PLCB1: variants seen among roughly 807,000 people sequenced by gnomAD.
PLCB1 encodes phospholipase C beta 1.
In PLCB1, 46 loss-of-function variants were observed where a neutral mutation model predicts 161.8. The observed-to-expected ratio is 0.28, with a 90% CI of 0.22 to 0.36. PLCB1 has a LOEUF of 0.36. PLCB1 is among the 10% of genes least tolerant of loss of function. The pLI is 1.00. For synonymous variants in PLCB1, 517 were observed against 503.7 expected (o/e 1.03, Z -0.35); for missense variants, 1,016 against 1,472.5 (o/e 0.69, Z 5.07).
At chr20:8,413,540 T>G (rs546357681) in intron 3 of PLCB1, among the ~76,000 whole-genome samples, 7 of 152,216 alleles carry the variant, frequency 4.6e-5, no homozygotes, top group Non-Finnish European at 1.0e-4. Flanking sequence ...ATAGGCCAAG[T>G]ATTCCGTTGA....
chr20:8,474,195 T>C (rs1387978053), intron 3 of PLCB1, among the ~76,000 whole-genome samples: 1 of 152,158 alleles, frequency 6.6e-6, no homozygotes, highest in African/African-American at 2.4e-5. Flanking sequence ...GCTGGGTATA[T>C]AGCCATGAAT....
chr20:8,239,662 A>G (rs1013872529), intron 2 of PLCB1, among the ~76,000 whole-genome samples: 2 of 151,954 alleles, frequency 1.3e-5, no homozygotes, highest in African/African-American at 4.8e-5. Flanking sequence ...AGTATTGAAT[A>G]GGGTACTGAG....
intron 3 of PLCB1, among the ~76,000 whole-genome samples, chr20:8,548,085 C>A (rs1985622340): frequency 6.6e-6 from 1 of 151,560 alleles, no homozygotes; most frequent in South Asian, 2.1e-4. Flanking sequence ...TCCCTCCCTT[C>A]CTCCCTTTCT....
chr20:8,334,773 C>T (rs1361058981), intron 2 of PLCB1, among the ~76,000 whole-genome samples: 1 of 152,152 alleles, frequency 6.6e-6, no homozygotes, highest in Non-Finnish European at 1.5e-5. Context: ...CATTCTGGTT[C>T]TATGTGGTCT....
At chr20:8,687,664 T>C (rs1484616341) in intron 10 of PLCB1, among the ~76,000 whole-genome samples, 1 of 152,242 alleles carries the variant, frequency 6.6e-6, no homozygotes, top group Non-Finnish European at 1.5e-5. Flanking sequence ...ATGCTGTTAA[T>C]TCATTCCTTT....
chr20:8,231,455 A>G (rs1296273953), intron 2 of PLCB1, among the ~76,000 whole-genome samples: 3 of 152,118 alleles, frequency 2.0e-5, no homozygotes, highest in African/African-American at 4.8e-5. Flanking sequence ...CCTTAGACCT[A>G]TCTGTTTTCT....
At chr20:8,255,495 T>G (rs1291538945) in intron 2 of PLCB1, among the ~76,000 whole-genome samples, 2 of 152,078 alleles carry the variant, frequency 1.3e-5, no homozygotes, top group Non-Finnish European at 2.9e-5. Flanking sequence ...GTTATTGTAT[T>G]ACTTAAGGTA....
At chr20:8,416,145 G>GCTACGCATAGTGC (rs1979261891) in intron 3 of PLCB1, among the ~76,000 whole-genome samples, 1 of 152,182 alleles carries the variant, frequency 6.6e-6, no homozygotes, top group Non-Finnish European at 1.5e-5. Context: ...ACTCATGTGT[G>GCTACGCATAGTGC]TTGAGTTACT....
At chr20:8,777,278 C>T in intron 27 of PLCB1, among the ~76,000 whole-genome samples, 1 of 152,114 alleles carries the variant, frequency 6.6e-6, no homozygotes, top group East Asian at 1.9e-4. Context: ...CACTCCGGGG[C>T]TGTGCTTCCC....
chr20:8,513,005 G>A (rs1600118106), intron 3 of PLCB1, among the ~76,000 whole-genome samples: 4 of 151,978 alleles, frequency 2.6e-5, no homozygotes, highest in Admixed American at 2.6e-4. Flanking sequence ...CTACGAGTTC[G>A]AATTTTTAGA....
chr20:8,700,173 T>C (rs1468040469), intron 11 of PLCB1, among the ~76,000 whole-genome samples: 2 of 152,220 alleles, frequency 1.3e-5, no homozygotes, highest in Non-Finnish European at 2.9e-5. Flanking sequence ...CAGCACGCCC[T>C]GATGGAGCTG....
chr20:8,180,049 G>C (rs1357287298), intron 2 of PLCB1, among the ~76,000 whole-genome samples: 1 of 151,520 alleles, frequency 6.6e-6, no homozygotes, highest in Non-Finnish European at 1.5e-5. Context: ...TAGTGGAGAT[G>C]GGGTTTCACC....
chr20:8,313,827 A>G (rs1984518710), intron 2 of PLCB1, among the ~76,000 whole-genome samples: 1 of 152,182 alleles, frequency 6.6e-6, no homozygotes, highest in Non-Finnish European at 1.5e-5. Flanking sequence ...CTCAAAGCCC[A>G]GCTCAAGTTT....
intron 3 of PLCB1, among the ~76,000 whole-genome samples, chr20:8,587,535 T>G (rs1987026926): frequency 6.6e-6 from 1 of 152,158 alleles, no homozygotes; most frequent in Non-Finnish European, 1.5e-5. Context: ...GCAAAACCAT[T>G]CCTTACTGAA....
intron 31 of PLCB1, among the ~76,000 whole-genome samples, chr20:8,836,207 G>A (rs1168948838): frequency 6.6e-6 from 1 of 152,172 alleles, no homozygotes; most frequent in African/African-American, 2.4e-5. Flanking sequence ...ACTGTCCAAA[G>A]CAAACCCCAA....
At chr20:8,521,100 A>G (rs1419956599) in intron 3 of PLCB1, among the ~76,000 whole-genome samples, 1 of 152,206 alleles carries the variant, frequency 6.6e-6, no homozygotes, top group Non-Finnish European at 1.5e-5. Context: ...AGAAAAGGCT[A>G]ATTATAAATT....
intron 3 of PLCB1, among the ~76,000 whole-genome samples, 158 bp from the exon 4 acceptor site, chr20:8,628,136 G>C (rs1988414646): frequency 1.3e-5 from 2 of 152,128 alleles, no homozygotes; most frequent in Admixed American, 1.3e-4. Flanking sequence ...ATCTCTCTAG[G>C]CCATTTGTGG....
At position 8,266,093 on chromosome 20, in the gene PLCB1, T is replaced by A. The variant is rs1214051258; in HGVS notation, c.178-105289T>A. Among the ~76,000 whole-genome samples the A allele has an allele frequency of 2.0e-5, 3 of 152,210 alleles. No individual in the cohort carries two copies. In the East Asian group the frequency reaches 5.8e-4, roughly 29 times the overall value. Reference sequence around the variant, plus strand: ...TCGATGTCAGTGTTGAGGCTTTGTGTGTTGGCAATTTTTAGTTGTGTATCG... The same window carrying A: ...TCGATGTCAGTGTTGAGGCTTTGTGAGTTGGCAATTTTTAGTTGTGTATCG... On this transcript the variant is annotated intron_variant, in intron 2 of 31. Coordinates refer to ENST00000338037, the MANE Select transcript of PLCB1 (RefSeq NM_015192.4).
At chr20:8,807,635 T>C (rs1984603600) in intron 31 of PLCB1, among the ~76,000 whole-genome samples, 1 of 151,824 alleles carries the variant, frequency 6.6e-6, no homozygotes, top group Non-Finnish European at 1.5e-5. Flanking sequence ...GGCTAGGTGC[T>C]GGGAAAAAAC....
Sources: allele counts gnomAD v4.1 joint callset (sites outside exome capture counted in the v4.1 genomes callset), GRCh38; gene constraint gnomAD v4.1.1; transcripts MANE v1.5; gene names NCBI Gene and HGNC (gene_info 2026-07-23, HGNC 2026-07-21).